GGT5: variants seen among roughly 807,000 people sequenced by gnomAD.
GGT5 encodes gamma-glutamyltransferase 5, also known as glutathione hydrolase 5 proenzyme.
In GGT5, 50 loss-of-function variants were observed where a neutral mutation model predicts 58.1. The observed-to-expected ratio is 0.86, with a 90% CI of 0.69 to 1.09. The LOEUF (loss-of-function observed/expected upper bound fraction) is 1.09, where lower values mean the gene tolerates loss of function less well. Ranked by LOEUF, GGT5 falls within the 50% of genes least tolerant of loss-of-function variation. GGT5 has a pLI of 0.00. For missense variants in GGT5, 800 were observed against 789.4 expected, an observed-to-expected ratio of 1.01 and a Z score of -0.16; for synonymous variants, 370 against 346.1, an observed-to-expected ratio of 1.07 and a Z score of -0.77.
intron 1 of GGT5, chr22:24,244,292 C>CGT (rs1013236928): frequency 2.5e-6 from 1 of 398,468 alleles, no homozygotes; most frequent in African/African-American, 2.7e-5. Context: ...GGCCAGTGCA[C>CGT]GTGCACACAC....
At position 24,233,005 on chromosome 22, in the gene GGT5, G is replaced by A. The variant is rs753369233; in HGVS notation, c.414C>T (p.Ile138=). ...AGCCACGGAGCTCCCCGGGCACCCC[G>A]ATCCACTGGGCCCCTGCATGGCACA... is the stretch of plus-strand genomic sequence containing the variant. The part of the protein sequence containing the change: ...ALPLGTGAQW[I]GVPGELRGYA... The change falls in exon 4 of 12, where the codon ATC becomes ATT. Residue 138 remains isoleucine (I), a synonymous_variant. Transcript: ENST00000327365. The A allele has an allele frequency of 1.4e-5, 21 of 1,539,102 alleles. No homozygotes were observed. Among genetic ancestry groups the A allele is most frequent in the East Asian group, 7.2e-5 (3 of 41,432 alleles).
intron 1 of GGT5, among the ~76,000 whole-genome samples, chr22:24,238,780 AT>A (rs2048183982): frequency 5.4e-5 from 1 of 18,440 alleles, no homozygotes; most frequent in African/African-American, 3.1e-4. Context: ...TATATATATA[AT>A]ATATATTATA....
At chr22:24,230,985 C>T (rs2047919481) in intron 6 of GGT5, among the ~76,000 whole-genome samples, 1 of 152,178 alleles carries the variant, frequency 6.6e-6, no homozygotes, top group South Asian at 2.1e-4. Context: ...CGCAGGCAGC[C>T]CCAGGCCTCA....
Position 24,233,887 on chromosome 22 carries a change from G to C in GGT5, c.291C>G (p.Tyr97Ter). ...GLGGGVIFTI[Y>*]NVTTGKVEVI... ...ATGTGGGCCCACCTGTTGTCACATT[G>C]TAGATGGTGAAGATGACCCCTCCGC... Residue 97 changes from tyrosine (Y) to a stop codon, truncating the protein, a stop_gained, in exon 2 of 12, where the codon TAC (tyrosine) becomes TAG (stop). Coordinates refer to ENST00000327365, the MANE Select transcript of GGT5 (RefSeq NM_004121.5). LOFTEE classifies it high-confidence loss of function. The C allele has an allele frequency of 6.2e-7, 1 of 1,613,600 alleles. No homozygotes were observed. Among genetic ancestry groups the C allele is most frequent in the Non-Finnish European group, 8.5e-7 (1 of 1,179,492 alleles).
At chr22:24,223,057 G>T (rs532461870) in intron 11 of GGT5, among the ~76,000 whole-genome samples, 27 of 150,504 alleles carry the variant, frequency 1.8e-4, no homozygotes, top group East Asian at 9.9e-4. Flanking sequence ...GCCACTGCAC[G>T]CCAGCCTGGG....
In GGT5 at chr22:24,244,822, G is replaced by A. The variant is rs952879975; in HGVS notation, c.-97C>T. ...GACAAGAAGATGCACAGAGTCACAG[G>A]TAATTGGACAGATGGACAAACAGGT... On this transcript the variant is annotated 5_prime_UTR_variant, in exon 1 of 12. Transcript: ENST00000327365. 9.5e-6 allele frequency: 14 copies of A among 1,467,806 alleles called. No individual in the cohort carries two copies. The African/African-American group carries it at 1.7e-4, about 18-fold the overall frequency. The allele number at this position is 1,467,806 out of a possible 1,614,324, so 90.9% of individuals were successfully genotyped here.
intron 6 of GGT5, among the ~76,000 whole-genome samples, chr22:24,227,170 G>C (rs193225313): frequency 6.7e-6 from 1 of 149,338 alleles, no homozygotes; most frequent in African/African-American, 2.6e-5. Flanking sequence ...GGCTGGTATT[G>C]AACTCCTGGC....
chr22:24,238,398 G>A (rs1429795615), intron 1 of GGT5, among the ~76,000 whole-genome samples: 1 of 151,754 alleles, frequency 6.6e-6, no homozygotes, highest in East Asian at 1.9e-4. Context: ...AGGGCATGGT[G>A]TCATGCGCCT....
chr22:24,225,671 A>G lies in GGT5; in HGVS notation c.1230-19T>C, dbSNP rs1279881312. ...TCCAAAGCTGCAGCCGTGGAGGCAG[A>G]AGAGCCTGGGCTAGGACCCGGGGCT... On this transcript the variant is annotated intron_variant, in intron 8 of 11. Transcript: ENST00000327365. 1 of 1,514,016 alleles carries G rather than the reference A, an allele frequency of 6.6e-7. No individual in the cohort carries two copies. The highest frequency in any genetic ancestry group is 1.7e-5 in the Admixed American group (1 of 59,030). 93.8% of individuals were successfully genotyped at this position (1,514,016 alleles called of 1,614,324 possible).
At chr22:24,237,630 T>A (rs1301160059) in intron 1 of GGT5, among the ~76,000 whole-genome samples, 5 of 151,878 alleles carry the variant, frequency 3.3e-5, no homozygotes, top group Admixed American at 1.3e-4. Flanking sequence ...GCTGGTCTTG[T>A]ACTCCTGACC....
intron 11 of GGT5, among the ~76,000 whole-genome samples, chr22:24,221,504 A>G (rs2047588401): frequency 6.6e-6 from 1 of 152,088 alleles, no homozygotes; most frequent in South Asian, 2.1e-4. Context: ...TATGATTTCC[A>G]GGGGTTTTTT....
chr22:24,235,920 T>C (rs2048082375), intron 1 of GGT5, among the ~76,000 whole-genome samples: 1 of 152,092 alleles, frequency 6.6e-6, no homozygotes, highest in Non-Finnish European at 1.5e-5. Flanking sequence ...CTGCCAGGCT[T>C]TGGTTTTCGT....
intron 7 of GGT5, 101 bp downstream of exon 7, chr22:24,226,530 T>C: frequency 7.8e-7 from 1 of 1,282,102 alleles, no homozygotes; most frequent in East Asian, 2.3e-5. Flanking sequence ...CACATACATA[T>C]CCCTCCAACT....
intron 3 of GGT5, 120 bp downstream of exon 3, chr22:24,233,378 C>T (rs2048005319): frequency 1.8e-5 from 11 of 612,744 alleles, no homozygotes; most frequent in Admixed American, 3.0e-5. Context: ...CCACAGGCTC[C>T]GTGTCCCCCC....
intron 1 of GGT5, among the ~76,000 whole-genome samples, chr22:24,238,760 A>AATATAT (rs35687403): frequency 2.7e-5 from 1 of 36,772 alleles, no homozygotes; most frequent in Non-Finnish European, 4.7e-5. Context: ...ATATATATGG[A>AATATAT]ATATATATAT....
chr22:24,220,208 A>T, intron 11 of GGT5, 92 bp from the exon 12 acceptor site: 1 of 1,267,332 alleles, frequency 7.9e-7, no homozygotes, highest in Non-Finnish European at 1.1e-6. Context: ...AAAAATGATC[A>T]AAAGGCAAGA....
chr22:24,244,949 A>T lies in GGT5; in HGVS notation c.-224T>A. On this transcript the variant is annotated 5_prime_UTR_variant, in exon 1 of 12. Coordinates refer to ENST00000327365, the MANE Select transcript of GGT5 (RefSeq NM_004121.5). Reference sequence around the variant, plus strand: ...TGGTCAGATAGACAATGGGACAGAGATGGGCTTACAGATGGGCGGACAGAC... The same window carrying T: ...TGGTCAGATAGACAATGGGACAGAGTTGGGCTTACAGATGGGCGGACAGAC... 1 of 725,922 alleles carries T rather than the reference A, an allele frequency of 1.4e-6. No individual in the cohort carries two copies. The allele number at this position is 725,922 out of a possible 1,614,324, so 45.0% of individuals were successfully genotyped here. A position where few individuals can be genotyped will look rare whatever the true frequency, so the allele number is the denominator to read the frequency against.
rs1285908597 is a variant in GGT5, at chr22:24,228,056, AAAAAAAAAAACAAAAC to A, written c.902-1305_902-1290del. Among the ~76,000 whole-genome samples the A allele has an allele frequency of 1.8e-3, 208 of 116,916 alleles. 8 individuals are homozygous for A. Among genetic ancestry groups the A allele is most frequent in the South Asian group, 6.8e-3 (26 of 3,842 alleles). The allele number at this position is 116,916 out of a possible 152,430, so 76.7% of individuals were successfully genotyped here. On this transcript the variant is annotated intron_variant, in intron 6 of 11. Coordinates refer to ENST00000327365, the MANE Select transcript of GGT5 (RefSeq NM_004121.5). Reference sequence around the variant, plus strand: ...AGAGCAAGACTCTGTCTCAAAAAAAAAAAAAAAAAACAAAACAAAAAAAAAAAAACTCTGAAAAATA... The same window carrying A: ...AGAGCAAGACTCTGTCTCAAAAAAAAAAAAAAAAAAAAACTCTGAAAAATA...
At chr22:24,238,816 TATATATATATATATATTTA>T (rs2048199086) in intron 1 of GGT5, among the ~76,000 whole-genome samples, 6 of 17,426 alleles carry the variant, frequency 3.4e-4, no homozygotes, top group Non-Finnish European at 3.7e-4. Context: ...TAATATATTA[TATATATATATATATATTTA>T]TATATATATA....
Sources: gnomAD v4.1 joint callset for allele counts (sites outside exome capture counted in the v4.1 genomes callset) on GRCh38, gnomAD v4.1.1 for gene constraint, MANE v1.5 for transcripts, NCBI Gene and HGNC (gene_info 2026-07-23, HGNC 2026-07-21) for gene names.